ARMC3: variants seen among roughly 807,000 people sequenced by gnomAD.
The protein encoded by ARMC3 is armadillo repeat-containing protein 3.
Under a neutral mutation model 90.3 loss-of-function variants are expected in ARMC3, and 74 were observed. The observed-to-expected ratio is 0.82, with a 90% CI of 0.68 to 0.99. The LOEUF is 0.99. ARMC3 is among the 50% of genes least tolerant of loss of function. The probability of loss-of-function intolerance (pLI) is 0.00; values close to 1 mark genes in which losing one functional copy is unlikely to be tolerated. For missense variants in ARMC3, 958 were observed against 1,042.8 expected, an observed-to-expected ratio of 0.92 and a Z score of 1.12; for synonymous variants, 334 against 361.8, an observed-to-expected ratio of 0.92 and a Z score of 0.87.
At chr10:22,952,853 T>G (rs1478177441) in intron 3 of ARMC3, among the ~76,000 whole-genome samples, 1 of 152,236 alleles carries the variant, frequency 6.6e-6, no homozygotes, top group Non-Finnish European at 1.5e-5. Context: ...ATTCCCAGAT[T>G]GCAAGGTTGA....
chr10:22,990,016 T>TC (rs1452150624), intron 10 of ARMC3, among the ~76,000 whole-genome samples: 1 of 152,224 alleles, frequency 6.6e-6, no homozygotes, highest in African/African-American at 2.4e-5. Context: ...CATAAAATGT[T>TC]CAATTAGAAA....
chr10:22,934,569 A>G (rs2131131939), intron 2 of ARMC3, among the ~76,000 whole-genome samples: 1 of 152,296 alleles, frequency 6.6e-6, no homozygotes, highest in Admixed American at 6.5e-5. Flanking sequence ...ATAAGGCGAG[A>G]TATTCAGTGT....
At chr10:22,944,066 C>T (rs1052323367) in intron 2 of ARMC3, among the ~76,000 whole-genome samples, 1 of 152,120 alleles carries the variant, frequency 6.6e-6, no homozygotes, top group African/African-American at 2.4e-5. Context: ...CAAGTTGTGG[C>T]TGGAGGTTTT....
intron 8 of ARMC3, among the ~76,000 whole-genome samples, chr10:22,970,265 G>A (rs1224668683): frequency 1.3e-5 from 2 of 152,198 alleles, no homozygotes; most frequent in African/African-American, 4.8e-5. Context: ...GGATGGAGGA[G>A]GAGAAGTGGT....
At chr10:23,030,380 C>T (rs1328055617) in intron 16 of ARMC3, among the ~76,000 whole-genome samples, 2 of 152,034 alleles carry the variant, frequency 1.3e-5, no homozygotes. Flanking sequence ...TTTTCAGTCA[C>T]ATTTGGTTGT....
At position 22,980,816 on chromosome 10, in the gene ARMC3, T is replaced by C. The variant is rs115254031; in HGVS notation, c.917-524T>C. Among the ~76,000 whole-genome samples the C allele has an allele frequency of 4.6e-3, 702 of 152,354 alleles. 5 individuals are homozygous for C. Among genetic ancestry groups the C allele is most frequent in the African/African-American group, 0.016 (652 of 41,584 alleles). On this transcript the variant is annotated intron_variant, in intron 8 of 18. Transcript: ENST00000298032. ...TGAGAAAAAAATGATTATATTTTGA[T>C]ATAAGACTATAAATTTCTTAAGACT...
chr10:22,986,091 C>G (rs543408923), intron 10 of ARMC3, among the ~76,000 whole-genome samples: 2 of 151,230 alleles, frequency 1.3e-5, no homozygotes, highest in African/African-American at 4.9e-5. Context: ...TTCTGCACCC[C>G]CACACCCCTG....
intron 16 of ARMC3, among the ~76,000 whole-genome samples, chr10:23,013,099 A>G (rs745836659): frequency 7.2e-5 from 11 of 152,054 alleles, no homozygotes; most frequent in Non-Finnish European, 1.5e-4. Context: ...GGGTTTTGCC[A>G]TGCTGGCCAG....
intron 10 of ARMC3, among the ~76,000 whole-genome samples, chr10:22,995,333 G>T (rs1177448391): frequency 6.6e-6 from 1 of 151,978 alleles, no homozygotes; most frequent in African/African-American, 2.4e-5. Context: ...GTTTTTTTAA[G>T]GTAAGAATAA....
chr10:22,952,862 G>T (rs1005617997), intron 3 of ARMC3, among the ~76,000 whole-genome samples: 1 of 152,212 alleles, frequency 6.6e-6, no homozygotes, highest in African/African-American at 2.4e-5. Flanking sequence ...TTGCAAGGTT[G>T]ATTTAATAAC....
In ARMC3 at chr10:22,959,466, A is replaced by AGT. The variant is rs753164329; in HGVS notation, c.431_432dup (p.Gln145CysfsTer9). On this transcript the variant is annotated frameshift_variant, in exon 6 of 19. Transcript: ENST00000298032. LOFTEE classifies it high-confidence loss of function. The stretch of plus-strand genomic sequence containing the variant: ...ACATGTCTGCAGAGTACACCAGTAA[A>AGT]GTGCAAATATTTGAACATGGGGGAT... 23 of 1,613,840 alleles carry AGT rather than the reference A, an allele frequency of 1.4e-5. No homozygotes were observed.
At chr10:23,023,753 A>G in intron 16 of ARMC3, among the ~76,000 whole-genome samples, 1 of 152,232 alleles carries the variant, frequency 6.6e-6, no homozygotes, top group Non-Finnish European at 1.5e-5. Flanking sequence ...GATAGATGAT[A>G]GAATCAGTGA....
intron 16 of ARMC3, chr10:23,014,063 G>A (rs1368354774): frequency 1.6e-5 from 24 of 1,546,686 alleles, no homozygotes; most frequent in Non-Finnish European, 2.1e-5. Context: ...TCTTTGTACT[G>A]TCTTCACTCT....
At chr10:23,006,842 C>T in intron 13 of ARMC3, 42 bp from the exon 14 acceptor site, 2 of 1,557,294 alleles carry the variant, frequency 1.3e-6, no homozygotes, top group Non-Finnish European at 1.8e-6. Context: ...GAAAATATGA[C>T]CCCTGCAGAT....
At position 22,944,667 on chromosome 10, in the gene ARMC3, C is replaced by G. The variant is rs12264540; in HGVS notation, c.49-1477C>G. On this transcript the variant is annotated intron_variant, in intron 2 of 18. Coordinates refer to ENST00000298032, the MANE Select transcript of ARMC3 (RefSeq NM_173081.5). Reference sequence around the variant, plus strand: ...ATGTGTCACTTGGGTGATGTGAGGTCCTCGGGCATTCTGGGGCTACCCTTT... The same window carrying G: ...ATGTGTCACTTGGGTGATGTGAGGTGCTCGGGCATTCTGGGGCTACCCTTT... Among the ~76,000 whole-genome samples the G allele has an allele frequency of 7.2e-3, 1,100 of 152,280 alleles. 17 individuals carry two copies. Among genetic ancestry groups the G allele is most frequent in the African/African-American group, 0.025 (1,019 of 41,552 alleles).
intron 13 of ARMC3, among the ~76,000 whole-genome samples, chr10:23,004,954 C>G (rs1310621767): frequency 4.0e-5 from 6 of 151,582 alleles, no homozygotes; most frequent in Admixed American, 3.9e-4. Context: ...TGGTGGCTCA[C>G]GCCTGTAATC....
At chr10:23,012,807 G>A (rs112214027) in intron 16 of ARMC3, among the ~76,000 whole-genome samples, 32 of 151,056 alleles carry the variant, frequency 2.1e-4, no homozygotes, top group African/African-American at 6.1e-4. Flanking sequence ...CCTCCTTATC[G>A]TACTGTAAAT....
chr10:23,022,279 T>G (rs1267075502), intron 16 of ARMC3, among the ~76,000 whole-genome samples: 1 of 152,230 alleles, frequency 6.6e-6, no homozygotes, highest in Non-Finnish European at 1.5e-5. Context: ...CCAGGAACAT[T>G]TGATGAAAAG....
In ARMC3 at chr10:22,981,720, C is replaced by A; in HGVS notation, c.1175+20C>A. On this transcript the variant is annotated intron_variant, in intron 10 of 18. Coordinates refer to ENST00000298032, the MANE Select transcript of ARMC3 (RefSeq NM_173081.5). ...TGCAAAGTAAGTTCAGAGATCCTCA[C>A]CCAGCACTGACTTGTGGGACAATTC... 1 of 1,584,554 alleles carries A rather than the reference C, an allele frequency of 6.3e-7. No homozygotes were observed. The highest frequency in any genetic ancestry group is 1.7e-5 in the Admixed American group (1 of 59,378).
Sources: gnomAD v4.1 joint callset for allele counts (sites outside exome capture counted in the v4.1 genomes callset) on GRCh38, gnomAD v4.1.1 for gene constraint, MANE v1.5 for transcripts, NCBI Gene and HGNC (gene_info 2026-07-23, HGNC 2026-07-21) for gene names.